Variants in KRABD5 observed in about 807,000 individuals in gnomAD.
The protein encoded by KRABD5 is KRAB domain containing 5, also known as KRAB domain-containing protein 5.
At chr16:31,755,451 C>T in the KRABD5 span, 1 of 471,394 alleles carries the variant, frequency 2.1e-6, no homozygotes, top group Non-Finnish European at 4.3e-6. Flanking sequence ...AGAATTCATA[C>T]TGGAGTAAAA....
the KRABD5 span, among the ~76,000 whole-genome samples, chr16:31,745,460 T>A: frequency 6.6e-6 from 1 of 152,226 alleles, no homozygotes; most frequent in East Asian, 1.9e-4. Flanking sequence ...TGATTTCTAA[T>A]TTGGTTGCTG....
the KRABD5 span, among the ~76,000 whole-genome samples, chr16:31,733,878 C>T: frequency 4.5e-4 from 68 of 152,184 alleles, 1 homozygote; most frequent in Non-Finnish European, 7.6e-4. Flanking sequence ...ATCTATTCCG[C>T]GTTCTGTTTT....
the KRABD5 span, among the ~76,000 whole-genome samples, chr16:31,742,169 A>T: frequency 7.9e-4 from 109 of 138,000 alleles, no homozygotes; most frequent in African/African-American, 1.4e-3. Context: ...TTTAAAAAAA[A>T]TTTTTTGTTT....
the KRABD5 span, chr16:31,753,787 A>G: frequency 6.6e-7 from 1 of 1,521,712 alleles, no homozygotes; most frequent in Middle Eastern, 1.7e-4. Context: ...CATGATACTC[A>G]AGGCCTCTTA....
the KRABD5 span, among the ~76,000 whole-genome samples, chr16:31,717,040 A>C: frequency 4.2e-5 from 5 of 118,126 alleles, no homozygotes; most frequent in Non-Finnish European, 8.1e-5. Context: ...TGTGTTGCCC[A>C]GGCTGGAGTG....
the KRABD5 span, chr16:31,753,801 A>G: frequency 6.5e-7 from 1 of 1,532,624 alleles, no homozygotes; most frequent in Non-Finnish European, 8.8e-7. Context: ...CCTCTTAAGA[A>G]AGAAGCTTAT....
chr16:31,751,440 A>G, the KRABD5 span, among the ~76,000 whole-genome samples: 1 of 151,970 alleles, frequency 6.6e-6, no homozygotes, highest in East Asian at 1.9e-4. Flanking sequence ...TAAATTTTTT[A>G]TTACTGATTC....
At chr16:31,760,968 TG>T in the KRABD5 span, 77 of 152,176 alleles carry the variant, frequency 5.1e-4, 1 homozygote, top group Non-Finnish European at 7.3e-5. Context: ...TGGATGAGAA[TG>T]TCTAAGGAAT....
At chr16:31,729,539 T>G in the KRABD5 span, among the ~76,000 whole-genome samples, 14 of 152,234 alleles carry the variant, frequency 9.2e-5, no homozygotes, top group Non-Finnish European at 1.5e-5. Context: ...TAATCACTTC[T>G]TAAAAGTCCC....
At chr16:31,730,483 T>A in the KRABD5 span, among the ~76,000 whole-genome samples, 2 of 152,184 alleles carry the variant, frequency 1.3e-5, no homozygotes, top group South Asian at 4.1e-4. Flanking sequence ...TCATGATTCT[T>A]GCTTTGTCTT....
At chr16:31,722,283 C>T in the KRABD5 span, among the ~76,000 whole-genome samples, 1 of 152,238 alleles carries the variant, frequency 6.6e-6, no homozygotes. Context: ...TCATGTTGGC[C>T]AGGCTAGTCT....
At chr16:31,716,931 T>G in the KRABD5 span, among the ~76,000 whole-genome samples, 1 of 152,110 alleles carries the variant, frequency 6.6e-6, no homozygotes, top group African/African-American at 2.4e-5. Flanking sequence ...TTTTCTGCCT[T>G]TTGGAAATAT....
chr16:31,727,858 G>GTATTTATT, the KRABD5 span, among the ~76,000 whole-genome samples: 1 of 151,674 alleles, frequency 6.6e-6, no homozygotes, highest in Non-Finnish European at 1.5e-5. Context: ...TTTCTTTTAT[G>GTATTTATT]TATTTATTTA....
At chr16:31,740,632 A>ATT in the KRABD5 span, among the ~76,000 whole-genome samples, 569 of 146,608 alleles carry the variant, frequency 3.9e-3, 5 homozygotes, top group African/African-American at 0.012. Flanking sequence ...TGCGTCTAAG[A>ATT]TTTTTTTTTT....
At chr16:31,755,895 T>G in the KRABD5 span, 2 of 198,088 alleles carry the variant, frequency 1.0e-5, no homozygotes, top group African/African-American at 4.8e-5. Flanking sequence ...ATCCCCACTT[T>G]AAAATTAAAT....
At chr16:31,721,789 T>G in the KRABD5 span, among the ~76,000 whole-genome samples, 2 of 152,244 alleles carry the variant, frequency 1.3e-5, no homozygotes, top group Non-Finnish European at 2.9e-5. Context: ...ACCTCTCTGC[T>G]ATTCAAAAGT....
At chr16:31,748,128 A>C in the KRABD5 span, among the ~76,000 whole-genome samples, 986 of 152,170 alleles carry the variant, frequency 6.5e-3, 9 homozygotes, top group African/African-American at 0.023. Flanking sequence ...TTTTAGGTCT[A>C]ACATGTAAGT....
chr16:31,713,304 C>T, the KRABD5 span: 59 of 1,328,570 alleles, frequency 4.4e-5, 1 homozygote, highest in African/African-American at 5.5e-4. Context: ...CCAGGGGCTC[C>T]CAGTCCTTCC....
chr16:31,733,682 A>G, the KRABD5 span: 1 of 454,066 alleles, frequency 2.2e-6, no homozygotes, highest in Non-Finnish European at 4.4e-6. Flanking sequence ...TTCACCTGAC[A>G]TAATGTCCTC....
Sources: allele counts gnomAD v4.1 joint callset (sites outside exome capture counted in the v4.1 genomes callset), GRCh38; gene constraint gnomAD v4.1.1; transcripts MANE v1.5; gene names NCBI Gene and HGNC (gene_info 2026-07-23, HGNC 2026-07-21).